ULK4: variants seen among roughly 807,000 people sequenced by gnomAD.
ULK4 encodes the protein unc-51 like kinase 4.
In ULK4, 133 loss-of-function variants were observed where a neutral mutation model predicts 160.6. That is an observed-to-expected ratio of 0.83 (90% confidence interval 0.72 to 0.96). ULK4 has a LOEUF of 0.96. Ranked by LOEUF, ULK4 falls within the 40% of genes least tolerant of loss-of-function variation. ULK4 has a pLI of 0.00. For synonymous variants in ULK4, 534 were observed against 539.8 expected, an observed-to-expected ratio of 0.99 and a Z score of 0.15; for missense variants, 1,580 against 1,499.5, an observed-to-expected ratio of 1.05 and a Z score of -0.89.
chr3:41,557,765 T>C (rs1475194884), intron 32 of ULK4, among the ~76,000 whole-genome samples: 1 of 151,794 alleles, frequency 6.6e-6, no homozygotes, highest in African/African-American at 2.4e-5. Flanking sequence ...ACTCTGTCTC[T>C]AAAATAAAGT....
Position 41,715,481 on chromosome 3 carries a change from AGGGGGAGACACAACTTC to A in ULK4, c.2526_2542del (p.Lys843AspfsTer31). The A allele has an allele frequency of 6.2e-7, 1 of 1,614,096 alleles. No homozygotes were observed. The highest frequency in any genetic ancestry group is 8.5e-7 in the Non-Finnish European group (1 of 1,179,962). On this transcript the variant is annotated frameshift_variant, in exon 24 of 37. Coordinates refer to ENST00000301831, the MANE Select transcript of ULK4 (RefSeq NM_017886.4). LOFTEE classifies it high-confidence loss of function. ...TACGAGGTGAAGCACTACAGGCATC[AGGGGGAGACACAACTTC>A]AGCTGTTTCACTTGAACTGTTGATG... is the stretch of plus-strand genomic sequence containing the variant.
chr3:41,608,844 T>A (rs1218866094), intron 31 of ULK4, among the ~76,000 whole-genome samples: 1 of 152,204 alleles, frequency 6.6e-6, no homozygotes, highest in African/African-American at 2.4e-5. Flanking sequence ...CATTTTCCAG[T>A]TCCTGAATCA....
intron 30 of ULK4, among the ~76,000 whole-genome samples, chr3:41,653,290 C>A (rs776038994): frequency 6.6e-6 from 1 of 152,146 alleles, no homozygotes; most frequent in African/African-American, 2.4e-5. Context: ...TTCAAACTAG[C>A]CAATCCTAAG....
chr3:41,310,978 G>A (rs2080036554), intron 35 of ULK4, among the ~76,000 whole-genome samples: 1 of 151,580 alleles, frequency 6.6e-6, no homozygotes, highest in Admixed American at 6.6e-5. Flanking sequence ...GGGCAACAGA[G>A]GGAGACCTCG....
At chr3:41,668,249 A>C (rs551881400) in intron 29 of ULK4, among the ~76,000 whole-genome samples, 248 of 152,308 alleles carry the variant, frequency 1.6e-3, no homozygotes, top group African/African-American at 5.8e-3. Flanking sequence ...ATCTTCCTAC[A>C]ATGAGGAAGA....
rs1483132177 is a variant in ULK4 at position 41,896,814 on chromosome 3, A to C, written c.1530+8T>G. On this transcript the variant is annotated splice_region_variant and intron_variant, in intron 15 of 36. Transcript: ENST00000301831. ...TTAAAATGCATAAGGCATGTCACACAGGCTTACCAGGGGGGAATGGAGGAG... is the reference window on the plus strand; with the variant it reads ...TTAAAATGCATAAGGCATGTCACACCGGCTTACCAGGGGGGAATGGAGGAG... The C allele has an allele frequency of 1.2e-6, 2 of 1,605,668 alleles. No individual in the cohort carries two copies. The highest frequency in any genetic ancestry group is 1.7e-6 in the Non-Finnish European group (2 of 1,176,932).
At chr3:41,388,315 T>G (rs2081871669) in intron 35 of ULK4, among the ~76,000 whole-genome samples, 3 of 152,078 alleles carry the variant, frequency 2.0e-5, no homozygotes, top group East Asian at 3.9e-4. Context: ...TTTCTCCCAT[T>G]TTGTAGGTTG....
chr3:41,690,651 T>G (rs1423915826), intron 27 of ULK4, among the ~76,000 whole-genome samples: 3 of 151,670 alleles, frequency 2.0e-5, no homozygotes, highest in Admixed American at 6.6e-5. Flanking sequence ...TTTTAGCTAC[T>G]CTGCTACCCC....
At chr3:41,421,175 C>T (rs1353225001) in intron 34 of ULK4, among the ~76,000 whole-genome samples, 1 of 151,848 alleles carries the variant, frequency 6.6e-6, no homozygotes, top group Non-Finnish European at 1.5e-5. Flanking sequence ...TTATATAATA[C>T]CTGCCTACTA....
At chr3:41,410,653 T>C (rs2082392867) in intron 34 of ULK4, among the ~76,000 whole-genome samples, 1 of 152,206 alleles carries the variant, frequency 6.6e-6, no homozygotes, top group African/African-American at 2.4e-5. Context: ...TTATGGTATG[T>C]GAATTATCGC....
At chr3:41,575,591 AATT>A (rs1312779742) in intron 31 of ULK4, among the ~76,000 whole-genome samples, 1 of 152,182 alleles carries the variant, frequency 6.6e-6, no homozygotes. Context: ...GGCAACTTAA[AATT>A]ATTTTTAAAT....
At chr3:41,339,875 C>A (rs2080645222) in intron 35 of ULK4, among the ~76,000 whole-genome samples, 1 of 152,140 alleles carries the variant, frequency 6.6e-6, no homozygotes, top group Non-Finnish European at 1.5e-5. Context: ...ATGGTAATGT[C>A]TGATGTTTTT....
intron 16 of ULK4, among the ~76,000 whole-genome samples, chr3:41,894,137 G>A (rs1354609827): frequency 6.6e-6 from 1 of 152,216 alleles, no homozygotes; most frequent in Non-Finnish European, 1.5e-5. Context: ...ACAGAAGGAT[G>A]ACTGTACTTG....
At chr3:41,749,499 G>C (rs900794189) in intron 22 of ULK4, among the ~76,000 whole-genome samples, 2 of 152,068 alleles carry the variant, frequency 1.3e-5, no homozygotes, top group African/African-American at 4.8e-5. Flanking sequence ...ATAAAAAATA[G>C]GCTTTGCGTT....
intron 32 of ULK4, among the ~76,000 whole-genome samples, chr3:41,507,829 C>T (rs1277900286): frequency 6.6e-6 from 1 of 152,144 alleles, no homozygotes; most frequent in Non-Finnish European, 1.5e-5. Flanking sequence ...GTGGCAGGAC[C>T]AGCTTGCAGC....
chr3:41,282,342 G>A (rs1253655837), intron 35 of ULK4, among the ~76,000 whole-genome samples: 2 of 152,176 alleles, frequency 1.3e-5, no homozygotes, highest in African/African-American at 4.8e-5. Context: ...GCATTGCCAA[G>A]ATAATTCTAA....
At chr3:41,368,796 C>A (rs2125780450) in intron 35 of ULK4, among the ~76,000 whole-genome samples, 1 of 152,232 alleles carries the variant, frequency 6.6e-6, no homozygotes, top group Non-Finnish European at 1.5e-5. Context: ...AATTGAATTA[C>A]ATTTGAGTTG....
chr3:41,754,153 C>T (rs1025527736), intron 22 of ULK4, among the ~76,000 whole-genome samples: 9 of 152,050 alleles, frequency 5.9e-5, no homozygotes, highest in Admixed American at 1.3e-4. Context: ...CAAGGGCACA[C>T]CAGGGATTTC....
intron 30 of ULK4, among the ~76,000 whole-genome samples, chr3:41,639,584 C>T (rs1575512071): frequency 1.3e-5 from 2 of 151,988 alleles, no homozygotes; most frequent in Non-Finnish European, 2.9e-5. Context: ...AAAAATTAGC[C>T]GACCGTGGTG....
Sources: allele counts gnomAD v4.1 joint callset (sites outside exome capture counted in the v4.1 genomes callset), GRCh38; gene constraint gnomAD v4.1.1; transcripts MANE v1.5; gene names NCBI Gene and HGNC (gene_info 2026-07-23, HGNC 2026-07-21).